The following ROR1 variants were observed in gnomAD, a reference collection of about 807,000 sequenced individuals.
The protein encoded by ROR1 is ROR family WNT receptor 1.
A neutral mutation model predicts 78.8 loss-of-function variants in ROR1; 19 were observed. That is an observed-to-expected ratio of 0.24 (90% CI 0.17 to 0.35). The LOEUF (loss-of-function observed/expected upper bound fraction) is 0.35, where lower values mean the gene tolerates loss of function less well. Ranked by LOEUF, ROR1 falls within the 10% of genes least tolerant of loss-of-function variation. The pLI is 1.00. For synonymous variants in ROR1, 386 were observed against 433.6 expected, an observed-to-expected ratio of 0.89 and a Z score of 1.36; for missense variants, 917 against 1,177.8, an observed-to-expected ratio of 0.78 and a Z score of 3.24.
chr1:63,885,189 G>C (rs983193233), intron 1 of ROR1, among the ~76,000 whole-genome samples: 4 of 152,122 alleles, frequency 2.6e-5, no homozygotes, highest in African/African-American at 9.7e-5. Context: ...TGAGTAATGA[G>C]ACAGATCCTT....
At chr1:63,812,587 G>A (rs572972489) in intron 1 of ROR1, among the ~76,000 whole-genome samples, 1 of 152,294 alleles carries the variant, frequency 6.6e-6, no homozygotes, top group East Asian at 1.9e-4. Context: ...TAATTTGACA[G>A]CAGACTTTTA....
intron 1 of ROR1, among the ~76,000 whole-genome samples, chr1:63,804,909 CCTTGGG>C (rs1421503941): frequency 6.6e-6 from 1 of 152,180 alleles, no homozygotes; most frequent in Non-Finnish European, 1.5e-5. Context: ...TTTGACCCCA[CCTTGGG>C]AATGCTAGAG....
intron 1 of ROR1, among the ~76,000 whole-genome samples, chr1:63,934,552 G>A (rs1301424889): frequency 1.3e-5 from 2 of 152,126 alleles, no homozygotes; most frequent in Admixed American, 1.3e-4. Flanking sequence ...GGATCCTGTG[G>A]GATGGTTTTG....
At chr1:63,821,138 T>C (rs537713775) in intron 1 of ROR1, among the ~76,000 whole-genome samples, 9 of 152,326 alleles carry the variant, frequency 5.9e-5, no homozygotes, top group Non-Finnish European at 1.0e-4. Flanking sequence ...AATTAAGTGT[T>C]CACATTGTAC....
At chr1:63,844,843 C>T (rs1246362699) in intron 1 of ROR1, among the ~76,000 whole-genome samples, 2 of 152,172 alleles carry the variant, frequency 1.3e-5, no homozygotes, top group African/African-American at 4.8e-5. Context: ...ATGCAATCTG[C>T]CTTCTTGTAA....
intron 5 of ROR1, 93 bp downstream of exon 5, chr1:64,137,589 G>A (rs1229754639): frequency 1.6e-6 from 2 of 1,279,986 alleles, no homozygotes; most frequent in South Asian, 1.4e-5. Flanking sequence ...AAAGGATTAA[G>A]CTCAGCATGG....
At chr1:64,004,615 C>T (rs1032263178) in intron 1 of ROR1, among the ~76,000 whole-genome samples, 6 of 152,132 alleles carry the variant, frequency 3.9e-5, no homozygotes, top group East Asian at 1.9e-4. Flanking sequence ...ATCACTGAAT[C>T]GGGGATACAG....
At chr1:63,809,621 G>A (rs943956959) in intron 1 of ROR1, among the ~76,000 whole-genome samples, 4 of 152,138 alleles carry the variant, frequency 2.6e-5, no homozygotes, top group African/African-American at 4.8e-5. Flanking sequence ...TTCCAATGTG[G>A]CATCTAAGCA....
chr1:64,101,522 GC>G (rs140152518), intron 4 of ROR1, among the ~76,000 whole-genome samples: 1,969 of 152,204 alleles, frequency 0.013, 38 homozygotes, highest in African/African-American at 0.046. Context: ...TTTTCCTTCA[GC>G]CCACAGATAT....
intron 1 of ROR1, among the ~76,000 whole-genome samples, chr1:63,802,304 G>T (rs1644802331): frequency 6.6e-6 from 1 of 152,110 alleles, no homozygotes. Flanking sequence ...AGCATCCTTG[G>T]ACACTAGGTG....
At chr1:63,877,040 G>C (rs1405163658) in intron 1 of ROR1, among the ~76,000 whole-genome samples, 4 of 151,988 alleles carry the variant, frequency 2.6e-5, no homozygotes, top group Admixed American at 6.6e-5. Flanking sequence ...TAGAAAACGA[G>C]GGCACACAAT....
intron 1 of ROR1, among the ~76,000 whole-genome samples, chr1:63,880,729 T>A (rs1283103330): frequency 6.6e-6 from 1 of 152,108 alleles, no homozygotes; most frequent in African/African-American, 2.4e-5. Flanking sequence ...GAATGTCTGG[T>A]TTTCTAGTTG....
intron 1 of ROR1, among the ~76,000 whole-genome samples, chr1:63,806,144 A>G (rs910008840): frequency 3.3e-5 from 5 of 152,160 alleles, no homozygotes; most frequent in Non-Finnish European, 7.4e-5. Context: ...TACTTTGTTT[A>G]GTTCAGTAAC....
chr1:63,905,561 G>A (rs980633505), intron 1 of ROR1, among the ~76,000 whole-genome samples: 2 of 152,124 alleles, frequency 1.3e-5, no homozygotes, highest in Admixed American at 6.6e-5. Context: ...ATGCAGAAAC[G>A]GATGTAGTTT....
At chr1:63,849,185 G>A (rs1645099273) in intron 1 of ROR1, among the ~76,000 whole-genome samples, 1 of 152,136 alleles carries the variant, frequency 6.6e-6, no homozygotes, top group South Asian at 2.1e-4. Context: ...CTGTCCATGG[G>A]CCCACGTTTA....
intron 1 of ROR1, among the ~76,000 whole-genome samples, chr1:63,932,494 A>G (rs1645761625): frequency 1.3e-5 from 2 of 152,162 alleles, no homozygotes; most frequent in South Asian, 4.1e-4. Context: ...AATGAGAGTC[A>G]TCATCATGTA....
chr1:64,138,425 G>C lies in ROR1; in HGVS notation c.610+929G>C, dbSNP rs556918990. Among the ~76,000 whole-genome samples the C allele has an allele frequency of 2.6e-5, 4 of 152,176 alleles. No individual in the cohort carries two copies. In the East Asian group the frequency reaches 7.7e-4, roughly 29 times the overall value. ...TCTGGCAACCCTAGGGTCTAGGAGA[G>C]GTAAGAACAAACCCAAGGCAGAAAC... On this transcript the variant is annotated intron_variant, in intron 5 of 8. Coordinates refer to ENST00000371079, the MANE Select transcript of ROR1 (RefSeq NM_005012.4).
At position 64,177,784 on chromosome 1, in the gene ROR1, G is replaced by A. The variant is rs745816227; in HGVS notation, c.1743G>A (p.Gly581=). ...SDVGCSSDED[G]TVKSSLDHGD... ...TTGGCTGCAGCAGTGATGAAGATGG[G>A]ACTGTGAAATCCAGCCTGGACCACG... Residue 581 remains glycine, a synonymous_variant, in exon 9 of 9, where the codon GGG becomes GGA. Coordinates refer to ENST00000371079, the MANE Select transcript of ROR1 (RefSeq NM_005012.4). 1 of 1,614,038 alleles carries A rather than the reference G, an allele frequency of 6.2e-7. No individual in the cohort carries two copies. The highest frequency in any genetic ancestry group is 1.7e-5 in the Admixed American group (1 of 60,020).
chr1:63,776,811 A>G (rs1244185387), intron 1 of ROR1, among the ~76,000 whole-genome samples: 3 of 152,062 alleles, frequency 2.0e-5, no homozygotes, highest in Non-Finnish European at 1.5e-5. Context: ...CAAATCTGTT[A>G]TTATTGTCTT....
Sources: gnomAD v4.1 joint callset for allele counts (sites outside exome capture counted in the v4.1 genomes callset) on GRCh38, gnomAD v4.1.1 for gene constraint, MANE v1.5 for transcripts, NCBI Gene and HGNC (gene_info 2026-07-23, HGNC 2026-07-21) for gene names.